Variants in ASAP1 observed in about 807,000 individuals in gnomAD.
The protein encoded by ASAP1 is ArfGAP with SH3 domain, ankyrin repeat and PH domain 1.
Under a neutral mutation model 145.2 loss-of-function variants are expected in ASAP1, and 43 were observed. That is an observed-to-expected ratio of 0.30 (90% CI 0.23 to 0.38). ASAP1 has a LOEUF of 0.38. Among genes scored for constraint, ASAP1 ranks in the 10% least tolerant of loss-of-function variants. The probability of loss-of-function intolerance (pLI) is 1.00; values close to 1 mark genes in which losing one functional copy is unlikely to be tolerated. For synonymous variants in ASAP1, 546 were observed against 515.5 expected (o/e 1.06, Z -0.80); for missense variants, 1,018 against 1,355.3 (o/e 0.75, Z 3.91).
chr8:130,214,830 G>C (rs1016293404), intron 4 of ASAP1, 129 bp from the exon 5 acceptor site: 13 of 738,072 alleles, frequency 1.8e-5, no homozygotes, highest in Admixed American at 3.1e-5. Flanking sequence ...TATTGCACAT[G>C]TCCCAAAGGT....
chr8:130,187,600 T>C (rs1814826899), intron 6 of ASAP1, among the ~76,000 whole-genome samples: 2 of 152,042 alleles, frequency 1.3e-5, no homozygotes, highest in African/African-American at 4.8e-5. Flanking sequence ...ACTTCTTCTG[T>C]AGACATGGGG....
At chr8:130,097,433 G>C (rs74666986) in intron 24 of ASAP1, among the ~76,000 whole-genome samples, 1 of 151,996 alleles carries the variant, frequency 6.6e-6, no homozygotes, top group African/African-American at 2.4e-5. Context: ...GCTATGCCTG[G>C]GTCCCTTCCC....
At position 130,126,066 on chromosome 8, in the gene ASAP1, A is replaced by C; in HGVS notation, c.1405T>G (p.Leu469Val). The C allele has an allele frequency of 6.2e-7, 1 of 1,610,954 alleles. No individual in the cohort carries two copies. The highest frequency in any genetic ancestry group is 8.5e-7 in the Non-Finnish European group (1 of 1,179,238). ...CATTCTATACAGGTCAAAATACCCA[A>C]GTTGGTTGAAAGCCAGGTGGGTTCT... ...SSEPTWLSTN[L>V]GILTCIECSG... Residue 469 changes from leucine (L) to valine (V), a missense_variant, in exon 17 of 30, where the codon TTG becomes GTG. Around this residue, in one of 9 missense-constraint regions of ASAP1, gnomAD observed 153 missense variants for 221.6 expected, o/e 0.69. Transcript: ENST00000518721.
At chr8:130,341,180 C>G (rs74727316) in intron 3 of ASAP1, among the ~76,000 whole-genome samples, 9 of 152,190 alleles carry the variant, frequency 5.9e-5, no homozygotes, top group Middle Eastern at 6.8e-3. Context: ...GTGAAACACA[C>G]CTACCACCCA....
At chr8:130,139,365 T>G (rs1312265608) in intron 13 of ASAP1, among the ~76,000 whole-genome samples, 1 of 152,198 alleles carries the variant, frequency 6.6e-6, no homozygotes, top group South Asian at 2.1e-4. Flanking sequence ...CAAGCTTAAG[T>G]TGATTATGCA....
At chr8:130,184,437 A>T (rs4733774) in intron 7 of ASAP1, among the ~76,000 whole-genome samples, 1 of 152,092 alleles carries the variant, frequency 6.6e-6, no homozygotes, top group Admixed American at 6.6e-5. Context: ...GGCAGGCAGA[A>T]GGCCACTGTG....
At chr8:130,170,490 TA>T (rs1813515802) in intron 9 of ASAP1, among the ~76,000 whole-genome samples, 1 of 152,108 alleles carries the variant, frequency 6.6e-6, no homozygotes, top group South Asian at 2.1e-4. Context: ...TTAAGCTTAA[TA>T]TGTATATTCA....
intron 13 of ASAP1, chr8:130,152,524 A>T (rs2097648686): frequency 2.6e-6 from 1 of 383,922 alleles, no homozygotes; most frequent in Non-Finnish European, 4.6e-6. Flanking sequence ...TCATTTTGAG[A>T]GAGCAAAAAA....
intron 1 of ASAP1, among the ~76,000 whole-genome samples, chr8:130,417,603 A>T (rs112428781): frequency 0.014 from 2,068 of 151,848 alleles, 20 homozygotes; most frequent in Non-Finnish European, 0.022. Flanking sequence ...AAACCCCACA[A>T]GTCCTGGCTT....
intron 3 of ASAP1, among the ~76,000 whole-genome samples, chr8:130,240,154 G>C (rs181404083): frequency 2.0e-5 from 3 of 152,174 alleles, no homozygotes; most frequent in African/African-American, 4.8e-5. Context: ...CCTTTTGTGG[G>C]GGGGAGCGGG....
intron 3 of ASAP1, among the ~76,000 whole-genome samples, 191 bp from the exon 4 acceptor site, chr8:130,237,185 T>A (rs184807643): frequency 1.2e-3 from 181 of 152,244 alleles, no homozygotes; most frequent in African/African-American, 4.3e-3. Flanking sequence ...TCCGGAGAAG[T>A]GCAGTCATTC....
chr8:130,169,823 C>T (rs1216441848), intron 9 of ASAP1, among the ~76,000 whole-genome samples: 2 of 152,168 alleles, frequency 1.3e-5, no homozygotes, highest in East Asian at 3.8e-4. Context: ...GGTTAAGTTG[C>T]AGCTAGTAAG....
chr8:130,290,913 G>A (rs1821906041), intron 3 of ASAP1, among the ~76,000 whole-genome samples: 2 of 152,240 alleles, frequency 1.3e-5, no homozygotes, highest in Admixed American at 1.3e-4. Context: ...GGATTTTAAG[G>A]GTTCATGCAT....
intron 5 of ASAP1, among the ~76,000 whole-genome samples, chr8:130,199,907 C>G (rs555868783): frequency 1.3e-5 from 2 of 152,290 alleles, no homozygotes; most frequent in East Asian, 3.9e-4. Context: ...ATTCTTATAA[C>G]AATTCTCAAT....
chr8:130,231,027 T>C (rs1817882454), intron 4 of ASAP1, among the ~76,000 whole-genome samples: 1 of 152,202 alleles, frequency 6.6e-6, no homozygotes, highest in African/African-American at 2.4e-5. Flanking sequence ...TCAAATGAAG[T>C]TGTTTGGTTA....
intron 2 of ASAP1, among the ~76,000 whole-genome samples, chr8:130,398,048 C>G (rs1447602900): frequency 1.3e-5 from 2 of 152,244 alleles, no homozygotes; most frequent in East Asian, 3.8e-4. Context: ...CCTTGTGTTA[C>G]AGCTAAGAGC....
At chr8:130,296,153 A>G (rs1371685624) in intron 3 of ASAP1, among the ~76,000 whole-genome samples, 1 of 152,194 alleles carries the variant, frequency 6.6e-6, no homozygotes, top group Non-Finnish European at 1.5e-5. Context: ...ACAGAGACCT[A>G]GGGAGGCCCG....
chr8:130,068,133 C>A (rs1235113067), intron 27 of ASAP1, among the ~76,000 whole-genome samples: 1 of 152,128 alleles, frequency 6.6e-6, no homozygotes, highest in African/African-American at 2.4e-5. Flanking sequence ...AGAGATGGAT[C>A]CAACTCCCCA....
At chr8:130,279,317 TTCTGC>T (rs1443962745) in intron 3 of ASAP1, among the ~76,000 whole-genome samples, 66 of 152,308 alleles carry the variant, frequency 4.3e-4, no homozygotes, top group African/African-American at 1.4e-3. Flanking sequence ...CACCCACACC[TTCTGC>T]TGAAATCTGC....
Sources: gnomAD v4.1 joint callset for allele counts (sites outside exome capture counted in the v4.1 genomes callset) on GRCh38, gnomAD v4.1.1 for gene constraint, gnomAD v4.1.1 regional missense constraint, MANE v1.5 for transcripts, NCBI Gene and HGNC (gene_info 2026-07-23, HGNC 2026-07-21) for gene names.